Variants in RNF144B observed in about 807,000 individuals in gnomAD.
RNF144B encodes the protein E3 ubiquitin-protein ligase RNF144B.
In RNF144B, 25 loss-of-function variants were observed where a neutral mutation model predicts 40.2. The observed-to-expected ratio is 0.62, with a 90% CI of 0.45 to 0.87. The LOEUF (loss-of-function observed/expected upper bound fraction) is 0.87, where lower values mean the gene tolerates loss of function less well. Among genes scored for constraint, RNF144B ranks in the 40% least tolerant of loss-of-function variants. The pLI is 0.00. For missense variants in RNF144B, 365 were observed against 373.7 expected (o/e 0.98, Z 0.19); for synonymous variants, 145 against 136.3 (o/e 1.06, Z -0.44).
rs997628587 is a variant in RNF144B, at chr6:18,434,050, T to A, written c.271-5634T>A. On this transcript the variant is annotated intron_variant, in intron 3 of 7. Transcript: ENST00000259939. This position sits in a 1 kb window ranked among gnomAD's most constrained non-coding sequence, Gnocchi z 4.1. ...CATCTCCAGATGTTCTGATATGTTTTATTATTTGTTCAGCCTGTTTAATTT... is the reference window on the plus strand; with the variant it reads ...CATCTCCAGATGTTCTGATATGTTTAATTATTTGTTCAGCCTGTTTAATTT... 6.6e-6 allele frequency among the ~76,000 whole-genome samples: 1 copy of A among 152,176 alleles called. No homozygotes were observed. Among genetic ancestry groups the A allele is most frequent in the Admixed American group, 6.5e-5 (1 of 15,278 alleles).
chr6:18,413,023 T>C lies in RNF144B; in HGVS notation c.165+13324T>C, dbSNP rs191668196. Reference sequence around the variant, plus strand: ...AGTACCTTTCATATAATATGTAATATGCAAGGGTACTATTTTTTCCCCCAT... The same window carrying C: ...AGTACCTTTCATATAATATGTAATACGCAAGGGTACTATTTTTTCCCCCAT... On this transcript the variant is annotated intron_variant, in intron 2 of 7. Coordinates refer to ENST00000259939, the MANE Select transcript of RNF144B (RefSeq NM_182757.4). 3.5e-3 allele frequency among the ~76,000 whole-genome samples: 527 copies of C among 152,340 alleles called. 5 individuals carry two copies. The highest frequency in any genetic ancestry group is 3.6e-3 in the Non-Finnish European group (245 of 68,032).
rs1485034921 is a variant in RNF144B at position 18,412,827 on chromosome 6, T to A, written c.165+13128T>A. Among the ~76,000 whole-genome samples the A allele has an allele frequency of 6.6e-6, 1 of 152,210 alleles. No homozygotes were observed. The highest frequency in any genetic ancestry group is 2.1e-4 in the South Asian group (1 of 4,830). ...GCTCTGTGTTAACTGAAAGCCTCCA[T>A]GGTTTTGAATCATTTCCCACCCACA... On this transcript the variant is annotated intron_variant, in intron 2 of 7. Coordinates refer to ENST00000259939, the MANE Select transcript of RNF144B (RefSeq NM_182757.4). This position sits in a 1 kb window ranked among gnomAD's most constrained non-coding sequence, Gnocchi z 4.2.
At position 18,387,478 on chromosome 6, in the gene RNF144B, T is replaced by C. The variant is rs1794475780; in HGVS notation, c.-189T>C. On this transcript the variant is annotated 5_prime_UTR_variant, in exon 1 of 8. Coordinates refer to ENST00000259939, the MANE Select transcript of RNF144B (RefSeq NM_182757.4). ...GGGAGCGCAAGTCCTGTTGCAGTCT[T>C]GCAAAGTGTAAAGCTGTCAGCCGCA... The C allele has an allele frequency of 7.8e-7, 1 of 1,283,394 alleles. No homozygotes were observed. Among genetic ancestry groups the C allele is most frequent in the African/African-American group, 1.5e-5 (1 of 65,726 alleles). 79.5% of individuals were successfully genotyped at this position (1,283,394 alleles called of 1,614,324 possible).
At chr6:18,451,472 C>T (rs1759208978) in intron 4 of RNF144B, among the ~76,000 whole-genome samples, 1 of 152,110 alleles carries the variant, frequency 6.6e-6, no homozygotes, top group Admixed American at 6.6e-5. Context: ...ACCTGGATAC[C>T]ATCCATGGAT....
At chr6:18,433,528 T>C (rs983127991) in intron 3 of RNF144B, among the ~76,000 whole-genome samples, 1 of 152,204 alleles carries the variant, frequency 6.6e-6, no homozygotes, top group Non-Finnish European at 1.5e-5. Context: ...CATGAGTGTA[T>C]GGATATGTCC....
At position 18,466,260 on chromosome 6, in the gene RNF144B, A is replaced by G. The variant is rs147782024; in HGVS notation, c.*1193A>G. On this transcript the variant is annotated 3_prime_UTR_variant, in exon 8 of 8. Coordinates refer to ENST00000259939, the MANE Select transcript of RNF144B (RefSeq NM_182757.4). Reference sequence around the variant, plus strand: ...ACAGTGCTTAGTACAATATCCTGCCATCTCTGTAAAAACGCTAATTGATAA... The same window carrying G: ...ACAGTGCTTAGTACAATATCCTGCCGTCTCTGTAAAAACGCTAATTGATAA... The G allele has an allele frequency of 8.5e-5, 13 of 152,340 alleles. No homozygotes were observed. The East Asian group carries it at 2.1e-3, about 25-fold the overall frequency. 9.4% of individuals were successfully genotyped at this position (152,340 alleles called of 1,614,324 possible).
At chr6:18,452,402 G>A (rs891736647) in intron 4 of RNF144B, among the ~76,000 whole-genome samples, 1 of 152,170 alleles carries the variant, frequency 6.6e-6, no homozygotes, top group East Asian at 1.9e-4. Context: ...GAATGGATAG[G>A]TTATGACTTG....
At position 18,425,056 on chromosome 6, in the gene RNF144B, G is replaced by GTGT. The variant is rs1758517556; in HGVS notation, c.166-2525_166-2524insTGT. 4.6e-5 allele frequency among the ~76,000 whole-genome samples: 7 copies of GTGT among 151,212 alleles called. No individual in the cohort carries two copies. In the South Asian group the frequency reaches 8.3e-4, roughly 18 times the overall value. Reference sequence around the variant, plus strand: ...TTTCACGTGTATGTGTGTATGTGTGGGTGTGTGTGTGTGTGTGTTAAAACC... The same window carrying GTGT: ...TTTCACGTGTATGTGTGTATGTGTGGTGTGTGTGTGTGTGTGTGTGTTAAAACC... On this transcript the variant is annotated intron_variant, in intron 2 of 7. Coordinates refer to ENST00000259939, the MANE Select transcript of RNF144B (RefSeq NM_182757.4). The surrounding 1 kb of genome is among the most constrained non-coding windows in gnomAD (Gnocchi z 4.2).
At chr6:18,451,927 G>A (rs1759216927) in intron 4 of RNF144B, among the ~76,000 whole-genome samples, 1 of 152,288 alleles carries the variant, frequency 6.6e-6, no homozygotes, top group Middle Eastern at 3.4e-3. Context: ...TCCAAGTCTT[G>A]CCAAATCGAT....
Position 18,442,537 on chromosome 6 carries a change from T to C in RNF144B, c.331+2793T>C, listed in dbSNP as rs941244076. Among the ~76,000 whole-genome samples, 3 of 152,346 alleles carry C rather than the reference T, an allele frequency of 2.0e-5. No individual in the cohort carries two copies. The highest frequency in any genetic ancestry group is 1.3e-4 in the Admixed American group (2 of 15,302). ...CAAATGTTAAAATTCTATACTTTTCTTTTTGTTATTAAACATATACCTAAC... is the reference window on the plus strand; with the variant it reads ...CAAATGTTAAAATTCTATACTTTTCCTTTTGTTATTAAACATATACCTAAC... On this transcript the variant is annotated intron_variant, in intron 4 of 7. Coordinates refer to ENST00000259939, the MANE Select transcript of RNF144B (RefSeq NM_182757.4). The surrounding 1 kb of genome is among the most constrained non-coding windows in gnomAD (Gnocchi z 4.3).
chr6:18,449,087 C>G (rs1039629275), intron 4 of RNF144B, among the ~76,000 whole-genome samples: 2 of 152,214 alleles, frequency 1.3e-5, no homozygotes, highest in African/African-American at 2.4e-5. Flanking sequence ...ACCACACTTT[C>G]TCCTATGATA....
Position 18,464,792 on chromosome 6 carries a change from G to C in RNF144B, c.772-135G>C. ...CTCGTCTCCAAATACCGTCACATCG[G>C]GGATTTAGGGTTTCAACATATGAGC... On this transcript the variant is annotated intron_variant, in intron 7 of 7. Transcript: ENST00000259939. The surrounding 1 kb of genome is among the most constrained non-coding windows in gnomAD (Gnocchi z 6.1). 1 of 827,002 alleles carries C rather than the reference G, an allele frequency of 1.2e-6. No homozygotes were observed. The allele number at this position is 827,002 out of a possible 1,614,324, so 51.2% of individuals were successfully genotyped here.
Position 18,464,657 on chromosome 6 carries a change from A to G in RNF144B, c.772-270A>G, listed in dbSNP as rs529493443. On this transcript the variant is annotated intron_variant, in intron 7 of 7. Coordinates refer to ENST00000259939, the MANE Select transcript of RNF144B (RefSeq NM_182757.4). This position sits in a 1 kb window ranked among gnomAD's most constrained non-coding sequence, Gnocchi z 6.1. ...GGCCATTTTTTTGCTGTGTCTTCACATGGCATAGAGCCTAGAGAAAGAAAG... is the reference window on the plus strand; with the variant it reads ...GGCCATTTTTTTGCTGTGTCTTCACGTGGCATAGAGCCTAGAGAAAGAAAG... 5.3e-5 allele frequency among the ~76,000 whole-genome samples: 8 copies of G among 152,288 alleles called. No individual in the cohort carries two copies. The highest frequency in any genetic ancestry group is 1.5e-5 in the Non-Finnish European group (1 of 68,030).
At chr6:18,432,262 T>A (rs1758711585) in intron 3 of RNF144B, among the ~76,000 whole-genome samples, 1 of 152,144 alleles carries the variant, frequency 6.6e-6, no homozygotes, top group African/African-American at 2.4e-5. Flanking sequence ...CCAGTGCCCT[T>A]CAGATACTGA....
At chr6:18,449,603 CAA>C (rs148705983) in intron 4 of RNF144B, among the ~76,000 whole-genome samples, 1,655 of 151,916 alleles carry the variant, frequency 0.011, 22 homozygotes, top group Middle Eastern at 0.027. Context: ...TTACTAAAAA[CAA>C]AGAGCTTATC....
intron 4 of RNF144B, among the ~76,000 whole-genome samples, chr6:18,452,163 T>C (rs1759223241): frequency 1.3e-5 from 2 of 152,210 alleles, no homozygotes; most frequent in Admixed American, 6.5e-5. Flanking sequence ...TAGAAATACA[T>C]CTATATGCTT....
rs531389105 is a variant in RNF144B at position 18,459,456 on chromosome 6, G to C, written c.537-151G>C. 3.1e-6 allele frequency: 2 copies of C among 640,400 alleles called. No individual in the cohort carries two copies. Among genetic ancestry groups the C allele is most frequent in the African/African-American group, 3.6e-5 (2 of 55,342 alleles). The allele number at this position is 640,400 out of a possible 1,614,324, so 39.7% of individuals were successfully genotyped here. ...AGATTCCTTCTTGTATGAGTTATCT[G>C]TACATCTAATAATGTTTTTGCCCAC... On this transcript the variant is annotated intron_variant, in intron 5 of 7. Transcript: ENST00000259939. The surrounding 1 kb of genome is among the most constrained non-coding windows in gnomAD (Gnocchi z 4.2).
chr6:18,443,592 C>T lies in RNF144B; in HGVS notation c.331+3848C>T, dbSNP rs572826821. Among the ~76,000 whole-genome samples the T allele has an allele frequency of 4.2e-4, 64 of 151,716 alleles. No individual in the cohort carries two copies. Among genetic ancestry groups the T allele is most frequent in the South Asian group, 3.3e-3 (16 of 4,780 alleles). On this transcript the variant is annotated intron_variant, in intron 4 of 7. Transcript: ENST00000259939. The surrounding 1 kb of genome is among the most constrained non-coding windows in gnomAD (Gnocchi z 4.7). ...GTGATTTTGGAAGGCAATTTGTAAT[C>T]GTGTAATTCTTCATTACCATCCGTT...
rs568481870 is a variant in RNF144B at position 18,398,162 on chromosome 6, C to G, written c.-36-1337C>G. On this transcript the variant is annotated intron_variant, in intron 1 of 7. Transcript: ENST00000259939. The surrounding 1 kb of genome is among the most constrained non-coding windows in gnomAD (Gnocchi z 5.0). ...CTCTTCATTTCCCCCTCCCACCAGC[C>G]CCTGGTAACCTCTATTCTTCTTTTT... Among the ~76,000 whole-genome samples the G allele has an allele frequency of 3.9e-5, 6 of 152,178 alleles. No homozygotes were observed. Among genetic ancestry groups the G allele is most frequent in the Non-Finnish European group, 8.8e-5 (6 of 67,998 alleles).
Sources: gnomAD v4.1 joint callset for allele counts (sites outside exome capture counted in the v4.1 genomes callset) on GRCh38, gnomAD v4.1.1 for gene constraint, Gnocchi (gnomAD v3.1) non-coding constraint, MANE v1.5 for transcripts, NCBI Gene and HGNC (gene_info 2026-07-23, HGNC 2026-07-21) for gene names.